The following TOPAZ1 variants were observed in gnomAD, a reference collection of about 807,000 sequenced individuals.
TOPAZ1 encodes the protein protein TOPAZ1.
A neutral mutation model predicts 172.2 loss-of-function variants in TOPAZ1; 66 were observed. The ratio of observed to expected loss-of-function variants is 0.38; its 90% confidence interval spans 0.31 to 0.47. The LOEUF is 0.47. Among genes scored for constraint, TOPAZ1 ranks in the 20% least tolerant of loss-of-function variants. The pLI is 0.99. For synonymous variants in TOPAZ1, 681 were observed against 683.9 expected, an observed-to-expected ratio of 1.00 and a Z score of 0.07; for missense variants, 1,822 against 1,972.4, an observed-to-expected ratio of 0.92 and a Z score of 1.44.
chr3:44,303,347 G>A (rs1700297250), intron 12 of TOPAZ1, among the ~76,000 whole-genome samples: 1 of 151,714 alleles, frequency 6.6e-6, no homozygotes, highest in South Asian at 2.1e-4. Flanking sequence ...TCTTCTGATT[G>A]CCAAAGGGTG....
chr3:44,329,758 G>C (rs73829629), intron 19 of TOPAZ1, among the ~76,000 whole-genome samples: 178 of 152,276 alleles, frequency 1.2e-3, no homozygotes, highest in African/African-American at 4.0e-3. Flanking sequence ...CATATGCCAT[G>C]AGTTCTGTAA....
At chr3:44,302,375 A>G (rs1255584158) in intron 12 of TOPAZ1, among the ~76,000 whole-genome samples, 3 of 152,288 alleles carry the variant, frequency 2.0e-5, no homozygotes, top group African/African-American at 7.2e-5. Context: ...GCACCACTGC[A>G]CTCCAGCCTG....
intron 12 of TOPAZ1, among the ~76,000 whole-genome samples, chr3:44,296,350 A>G (rs1177134209): frequency 6.6e-6 from 1 of 152,164 alleles, no homozygotes; most frequent in Non-Finnish European, 1.5e-5. Flanking sequence ...CTGAAAACAA[A>G]AAGTAAATCA....
rs760184668 is a variant in TOPAZ1, at chr3:44,243,711, T to G, written c.1205T>G (p.Val402Gly). The G allele has an allele frequency of 3.2e-6, 5 of 1,550,568 alleles. No homozygotes were observed. In the South Asian group the frequency reaches 4.8e-5, roughly 15 times the overall value. Residue 402 changes from valine to glycine, a missense_variant, in exon 2 of 20, where the codon GTA (valine) becomes GGA (glycine). Transcript: ENST00000309765. ...CATTTATTAAGTGTCCCAGAAACAG[T>G]AGAAAAAGAAACAAGTTCTGAACAT... ...MDHLLSVPET[V>G]EKETSSEHHV...
chr3:44,243,649 G>T lies in TOPAZ1; in HGVS notation c.1143G>T (p.Leu381Phe). 1 of 1,549,916 alleles carries T rather than the reference G, an allele frequency of 6.5e-7. No homozygotes were observed. Among genetic ancestry groups the T allele is most frequent in the South Asian group, 1.2e-5 (1 of 84,012 alleles). ...AGACTAAAAGTCCTTTAAATGTTTT[G>T]AGAAAAGTAAGCCATAATACAGTCT... Reference protein sequence around the residue: ...EAETKSPLNVLRKVSHNTVSL... With the variant: ...EAETKSPLNVFRKVSHNTVSL... The change falls in exon 2 of 20, where the codon TTG (leucine) becomes TTT (phenylalanine). Residue 381 changes from leucine (L) to phenylalanine (F), a missense_variant. Leu to Phe is a conservative substitution (Grantham distance 22). Around this residue, in one of 2 missense-constraint regions of TOPAZ1, gnomAD observed 1,489 missense variants for 1,490.8 expected, o/e 1.00. Coordinates refer to ENST00000309765, the MANE Select transcript of TOPAZ1 (RefSeq NM_001145030.2).
chr3:44,323,366 A>G lies in TOPAZ1; in HGVS notation c.4675+71A>G, dbSNP rs189046974. 17 of 897,078 alleles carry G rather than the reference A, an allele frequency of 1.9e-5. No homozygotes were observed. The East Asian group carries it at 3.9e-4, about 21-fold the overall frequency. 55.6% of individuals were successfully genotyped at this position (897,078 alleles called of 1,614,324 possible). A position where few individuals can be genotyped will look rare whatever the true frequency, so the allele number is the denominator to read the frequency against. ...TTCTCTAACCCAGAATTTATAATAT[A>G]TAAGATTAGATATTTATATGTATTA... On this transcript the variant is annotated intron_variant, in intron 18 of 19. Coordinates refer to ENST00000309765, the MANE Select transcript of TOPAZ1 (RefSeq NM_001145030.2).
At chr3:44,313,474 G>A (rs1344717876) in intron 16 of TOPAZ1, among the ~76,000 whole-genome samples, 2 of 151,752 alleles carry the variant, frequency 1.3e-5, no homozygotes, top group South Asian at 2.1e-4. Flanking sequence ...AAAATTAGCC[G>A]GGCATGGTGG....
intron 12 of TOPAZ1, among the ~76,000 whole-genome samples, chr3:44,303,423 A>G (rs1441501193): frequency 1.3e-5 from 2 of 148,770 alleles, no homozygotes; most frequent in Non-Finnish European, 3.0e-5. Context: ...CCTTCTTTAA[A>G]TCACAGACTT....
chr3:44,255,353 TA>T (rs1699684989), intron 3 of TOPAZ1, among the ~76,000 whole-genome samples: 2 of 135,850 alleles, frequency 1.5e-5, no homozygotes, highest in African/African-American at 5.0e-5. Flanking sequence ...CTCAGTTGCT[TA>T]AAAAAATTTT....
chr3:44,294,427 AG>A (rs1700172053), intron 12 of TOPAZ1, among the ~76,000 whole-genome samples: 1 of 152,214 alleles, frequency 6.6e-6, no homozygotes, highest in Non-Finnish European at 1.5e-5. Flanking sequence ...AAGAAAAAAA[AG>A]TAGTATGTTA....
intron 15 of TOPAZ1, among the ~76,000 whole-genome samples, chr3:44,307,018 G>A (rs773936942): frequency 6.6e-6 from 1 of 151,872 alleles, no homozygotes; most frequent in Non-Finnish European, 1.5e-5. Flanking sequence ...TGTTTGTGGG[G>A]TTTTTTTGTT....
rs193219228 is a variant in TOPAZ1, at chr3:44,301,115, A to C, written c.3798-2900A>C. 2.3e-3 allele frequency among the ~76,000 whole-genome samples: 354 copies of C among 152,322 alleles called. 1 individual carries two copies. The highest frequency in any genetic ancestry group is 0.01 in the Middle Eastern group (3 of 294). ...AATGGAGAACTGATTAGTGGTTGCCAGGGGACAGGGACAGTGGAGAGGGGA... is the reference window on the plus strand; with the variant it reads ...AATGGAGAACTGATTAGTGGTTGCCCGGGGACAGGGACAGTGGAGAGGGGA... On this transcript the variant is annotated intron_variant, in intron 12 of 19. Coordinates refer to ENST00000309765, the MANE Select transcript of TOPAZ1 (RefSeq NM_001145030.2).
At chr3:44,317,193 G>A (rs763605650) in intron 16 of TOPAZ1, among the ~76,000 whole-genome samples, 7 of 152,226 alleles carry the variant, frequency 4.6e-5, no homozygotes, top group Admixed American at 1.3e-4. Context: ...GGCCGAGGCC[G>A]GTGGATCACT....
chr3:44,260,385 A>G (rs1033828833), intron 4 of TOPAZ1, among the ~76,000 whole-genome samples: 1 of 152,096 alleles, frequency 6.6e-6, no homozygotes, highest in African/African-American at 2.4e-5. Context: ...GGAGCTTTTC[A>G]TCTTGTAAAA....
intron 18 of TOPAZ1, among the ~76,000 whole-genome samples, chr3:44,324,993 G>T (rs992710083): frequency 6.6e-6 from 1 of 152,126 alleles, no homozygotes; most frequent in African/African-American, 2.4e-5. Flanking sequence ...TGCAAGTGAG[G>T]TTACGGGATA....
At position 44,331,871 on chromosome 3, in the gene TOPAZ1, G is replaced by T; in HGVS notation, c.4939G>T (p.Asp1647Tyr). Residue 1647 changes from aspartate to tyrosine, a missense_variant, in exon 20 of 20, where the codon GAT (aspartate) becomes TAT (tyrosine). This residue lies in a region of TOPAZ1 where 333 missense variants were observed against 481.7 expected (regional missense o/e 0.69). Coordinates refer to ENST00000309765, the MANE Select transcript of TOPAZ1 (RefSeq NM_001145030.2). ...GTTAATTATGGCTGCTCGTATATCA[G>T]ATCCAAAGCTTTTCGTTAAACACAT... ...ERLIMAARIS[D>Y]PKLFVKHMTV... 6.4e-7 allele frequency: 1 copy of T among 1,551,870 alleles called. No homozygotes were observed. Among genetic ancestry groups the T allele is most frequent in the Non-Finnish European group, 8.7e-7 (1 of 1,147,016 alleles).
Position 44,241,994 on chromosome 3 carries a change from A to G in TOPAZ1, c.-60A>G, listed in dbSNP as rs1478015878. The G allele has an allele frequency of 1.4e-6, 2 of 1,468,036 alleles. No individual in the cohort carries two copies. Among genetic ancestry groups the G allele is most frequent in the Non-Finnish European group, 9.2e-7 (1 of 1,092,524 alleles). The allele number at this position is 1,468,036 out of a possible 1,614,324, so 90.9% of individuals were successfully genotyped here. On this transcript the variant is annotated 5_prime_UTR_variant, in exon 1 of 20. Coordinates refer to ENST00000309765, the MANE Select transcript of TOPAZ1 (RefSeq NM_001145030.2). ...ACCTCCAGGCGGGAGCAGCGTTTGCACCGCGGTGGGTTCCTGCGAGCTGGT... is the reference window on the plus strand; with the variant it reads ...ACCTCCAGGCGGGAGCAGCGTTTGCGCCGCGGTGGGTTCCTGCGAGCTGGT...
intron 2 of TOPAZ1, among the ~76,000 whole-genome samples, chr3:44,253,727 C>T (rs1699662525): frequency 6.6e-6 from 1 of 152,194 alleles, no homozygotes; most frequent in Non-Finnish European, 1.5e-5. Context: ...TTAAACTATA[C>T]TTCTCATTGT....
At chr3:44,291,768 C>A (rs1700140978) in intron 12 of TOPAZ1, among the ~76,000 whole-genome samples, 2 of 150,630 alleles carry the variant, frequency 1.3e-5, no homozygotes, top group African/African-American at 4.9e-5. Flanking sequence ...TGAATCATAA[C>A]TTTTTAAATG....
Sources: allele counts gnomAD v4.1 joint callset (sites outside exome capture counted in the v4.1 genomes callset), GRCh38; gene constraint gnomAD v4.1.1; regional missense constraint gnomAD v4.1.1; transcripts MANE v1.5; gene names NCBI Gene and HGNC (gene_info 2026-07-23, HGNC 2026-07-21).